The following DISP3 variants were observed in gnomAD, a reference collection of about 807,000 sequenced individuals.
DISP3 encodes the protein dispatched RND transporter family member 3, also known as protein dispatched homolog 3.
Under a neutral mutation model 135.3 loss-of-function variants are expected in DISP3, and 101 were observed. The observed-to-expected ratio is 0.75, with a 90% CI of 0.64 to 0.88. The LOEUF is 0.88. Ranked by LOEUF, DISP3 falls within the 40% of genes least tolerant of loss-of-function variation. The pLI is 0.00. For synonymous variants in DISP3, 856 were observed against 817.0 expected (o/e 1.05, Z -0.81); for missense variants, 1,713 against 1,878.6 (o/e 0.91, Z 1.63).
At chr1:11,504,211 C>T (rs72863297) in intron 3 of DISP3, among the ~76,000 whole-genome samples, 15 of 152,366 alleles carry the variant, frequency 9.8e-5, no homozygotes, top group African/African-American at 3.6e-4. Flanking sequence ...TTAATTCTCA[C>T]ACCAACCCAA....
chr1:11,533,205 G>A lies in DISP3; in HGVS notation c.3376-1176G>A, dbSNP rs983630700. On this transcript the variant is annotated intron_variant, in intron 17 of 20. Coordinates refer to ENST00000294484, the MANE Select transcript of DISP3 (RefSeq NM_020780.2). ...CTCCATGAATTTGACAACTCTGGGG[G>A]CCTCATGTGAATGGAATCATATGGT... Among the ~76,000 whole-genome samples the A allele has an allele frequency of 8.0e-5, 12 of 150,462 alleles. 1 individual carries two copies. Among genetic ancestry groups the A allele is most frequent in the African/African-American group, 2.4e-4 (10 of 40,836 alleles).
rs981759430 is a variant in DISP3 at position 11,536,970 on chromosome 1, G to A, written c.*284G>A. ...CCCTCCTCCCATGCCCGGTCACCAT[G>A]GGGGTCAGGTTATTTTTGTAGGGGG... is the stretch of plus-strand genomic sequence containing the variant. On this transcript the variant is annotated 3_prime_UTR_variant, in exon 21 of 21. Coordinates refer to ENST00000294484, the MANE Select transcript of DISP3 (RefSeq NM_020780.2). The surrounding 1 kb of genome is among the most constrained non-coding windows in gnomAD (Gnocchi z 4.3). 6.4e-6 allele frequency: 3 copies of A among 471,598 alleles called. No individual in the cohort carries two copies. Among genetic ancestry groups the A allele is most frequent in the South Asian group, 3.3e-5 (1 of 29,858 alleles). The allele number at this position is 471,598 out of a possible 1,614,324, so 29.2% of individuals were successfully genotyped here.
rs545516443 is a variant in DISP3 at position 11,483,081 on chromosome 1, A to G, written c.-4+3709A>G. Among the ~76,000 whole-genome samples, 11 of 152,336 alleles carry G rather than the reference A, an allele frequency of 7.2e-5. No homozygotes were observed. Among genetic ancestry groups the G allele is most frequent in the Non-Finnish European group, 1.3e-4 (9 of 68,032 alleles). ...TGCCCAACAAAGGCCGGAGGCATGG[A>G]TGCTGCGGGACCAGTCCAGGGATGG... On this transcript the variant is annotated intron_variant, in intron 1 of 20. Transcript: ENST00000294484. This position sits in a 1 kb window ranked among gnomAD's most constrained non-coding sequence, Gnocchi z 5.4.
intron 1 of DISP3, among the ~76,000 whole-genome samples, chr1:11,495,390 C>CA (rs1557595190): frequency 6.6e-6 from 1 of 152,084 alleles, no homozygotes; most frequent in Admixed American, 6.5e-5. Flanking sequence ...GACTCTGTCT[C>CA]AAAAAACAAA....
chr1:11,536,334 C>T lies in DISP3; in HGVS notation c.3827C>T (p.Thr1276Met), dbSNP rs769502435. 4.4e-6 allele frequency: 7 copies of T among 1,600,192 alleles called. No homozygotes were observed. Among genetic ancestry groups the T allele is most frequent in the East Asian group, 4.5e-5 (2 of 44,854 alleles). ...LPPHQAEDAR[T>M]QRQWRTLEAV... ...TCCTCTTGCCCCCAGGACGCCCGAA[C>T]GCAGCGCCAGTGGCGTACGCTGGAG... Residue 1276 changes from threonine to methionine, a missense_variant, in exon 21 of 21, where the codon ACG becomes ATG. Thr to Met is a moderately conservative substitution (Grantham distance 81). Transcript: ENST00000294484. This position sits in a 1 kb window ranked among gnomAD's most constrained non-coding sequence, Gnocchi z 4.3.
At position 11,514,372 on chromosome 1, in the gene DISP3, C is replaced by T. The variant is rs762857083; in HGVS notation, c.1317-18C>T. The T allele has an allele frequency of 4.4e-6, 7 of 1,599,872 alleles. No individual in the cohort carries two copies. The highest frequency in any genetic ancestry group is 2.2e-5 in the South Asian group (2 of 90,770). ...CCTCTTCCTGTCATTCTTTTCTCCA[C>T]GTCCTCCCTTCCCCCAGCAAAGTCC... On this transcript the variant is annotated intron_variant, in intron 3 of 20. Coordinates refer to ENST00000294484, the MANE Select transcript of DISP3 (RefSeq NM_020780.2).
chr1:11,522,953 A>AGGGCCCAGCCAGGACCCGG, intron 10 of DISP3, among the ~76,000 whole-genome samples: 1 of 83,192 alleles, frequency 1.2e-5, no homozygotes, highest in South Asian at 4.6e-4. Context: ...CCAGAGCCCA[A>AGGGCCCAGCCAGGACCCGG]CCAGGACCCA....
intron 3 of DISP3, among the ~76,000 whole-genome samples, chr1:11,513,864 A>G (rs1415072488): frequency 6.6e-6 from 1 of 151,084 alleles, no homozygotes; most frequent in African/African-American, 2.4e-5. Context: ...ATAAATATGG[A>G]CTCCATCTTG....
chr1:11,492,348 TCAGG>T (rs1429382619), intron 1 of DISP3, among the ~76,000 whole-genome samples: 2 of 152,158 alleles, frequency 1.3e-5, no homozygotes, highest in Admixed American at 6.5e-5. Context: ...GGACGTTTCC[TCAGG>T]TGATATATTG....
chr1:11,519,397 C>T lies in DISP3; in HGVS notation c.1932C>T (p.Pro644=), dbSNP rs377174130. The T allele has an allele frequency of 2.9e-5, 47 of 1,613,856 alleles. No homozygotes were observed. The highest frequency in any genetic ancestry group is 1.9e-4 in the African/African-American group (14 of 75,028). ...NCSRKTSLHF[P]GDVFAAPEQV... is the part of the protein sequence containing the mutation. ...GCCGGAAGACCTCCCTGCACTTCCC[C>T]GGAGACGTGTTTGCCGCTCCCGAGC... The change falls in exon 8 of 21, where the codon CCC becomes CCT. Residue 644 remains proline, a synonymous_variant. Transcript: ENST00000294484. The surrounding 1 kb of genome is among the most constrained non-coding windows in gnomAD (Gnocchi z 4.3).
rs1204723430 is a variant in DISP3, at chr1:11,535,631, C to A, written c.3803C>A (p.Pro1268His). 5 of 1,612,116 alleles carry A rather than the reference C, an allele frequency of 3.1e-6. No individual in the cohort carries two copies. The highest frequency in any genetic ancestry group is 2.2e-5 in the East Asian group (1 of 44,898). ...GYLLAGENLP[P>H]HQAEDARTQR... ...CTGCTGGCTGGAGAGAACCTGCCCC[C>A]CCACCAGGCCGAGGTGCGCACCCTG... is the stretch of plus-strand genomic sequence containing the variant. The change falls in exon 20 of 21, where the codon CCC (proline) becomes CAC (histidine). Residue 1268 changes from proline (P) to histidine (H), a missense_variant. Pro to His is a moderately conservative substitution (Grantham distance 77, BLOSUM62 -2). Coordinates refer to ENST00000294484, the MANE Select transcript of DISP3 (RefSeq NM_020780.2).
chr1:11,486,935 T>G (rs1313489212), intron 1 of DISP3, among the ~76,000 whole-genome samples: 1 of 152,202 alleles, frequency 6.6e-6, no homozygotes, highest in Non-Finnish European at 1.5e-5. Context: ...TGCCTTGGCC[T>G]CCCACTGTGC....
Position 11,529,879 on chromosome 1 carries a change from G to C in DISP3, c.3022G>C (p.Gly1008Arg). 1 of 1,613,936 alleles carries C rather than the reference G, an allele frequency of 6.2e-7. No individual in the cohort carries two copies. Among genetic ancestry groups the C allele is most frequent in the Admixed American group, 1.7e-5 (1 of 60,024 alleles). ...GGCGGTGCGGCCACTAGTGGATACC[G>C]GGGCCATGGTCTTTGTGGTCTTCGG... is the stretch of plus-strand genomic sequence containing the variant. ...KPAVRPLVDT[G>R]AMVFVVFGII... Residue 1008 changes from glycine (G) to arginine (R), a missense_variant, in exon 15 of 21, where the codon GGG becomes CGG. Gly to Arg is a moderately radical substitution (Grantham distance 125). Around this residue, in one of 2 missense-constraint regions of DISP3, gnomAD observed 1,142 missense variants for 1,384.6 expected, o/e 0.82. Transcript: ENST00000294484. This position sits in a 1 kb window ranked among gnomAD's most constrained non-coding sequence, Gnocchi z 4.7.
At chr1:11,522,684 G>A (rs867772844) in intron 10 of DISP3, among the ~76,000 whole-genome samples, 322 of 46,984 alleles carry the variant, frequency 6.9e-3, no homozygotes, top group African/African-American at 0.018. Flanking sequence ...CCCAGCCAGA[G>A]CCCAGCCAGG....
In DISP3 at chr1:11,537,098, G is replaced by A. The variant is rs1471805358; in HGVS notation, c.*412G>A. ...AAAACTGAGGCGCCAGGACACAGTG[G>A]CTGCCCTGTCGCTGGATCAGTAGCA... On this transcript the variant is annotated 3_prime_UTR_variant, in exon 21 of 21. Coordinates refer to ENST00000294484, the MANE Select transcript of DISP3 (RefSeq NM_020780.2). 1 of 173,732 alleles carries A rather than the reference G, an allele frequency of 5.8e-6. No individual in the cohort carries two copies. The highest frequency in any genetic ancestry group is 1.2e-5 in the Non-Finnish European group (1 of 82,106). 10.8% of individuals were successfully genotyped at this position (173,732 alleles called of 1,614,324 possible). A position where few individuals can be genotyped will look rare whatever the true frequency, so the allele number is the denominator to read the frequency against.
intron 3 of DISP3, among the ~76,000 whole-genome samples, chr1:11,513,515 T>G (rs1641916170): frequency 6.6e-6 from 1 of 151,528 alleles, no homozygotes; most frequent in African/African-American, 2.4e-5. Flanking sequence ...CAGCCTTGTC[T>G]TTGTTCCTAT....
chr1:11,512,655 A>G (rs1475991535), intron 3 of DISP3, among the ~76,000 whole-genome samples: 2 of 152,100 alleles, frequency 1.3e-5, no homozygotes, highest in East Asian at 1.9e-4. Flanking sequence ...GAGCCCTTCA[A>G]ACTGTTCCAA....
chr1:11,502,125 A>G, intron 2 of DISP3, 37 bp downstream of exon 2: 3 of 1,525,676 alleles, frequency 2.0e-6, no homozygotes, highest in Non-Finnish European at 2.6e-6. Flanking sequence ...GCGTAGGTCC[A>G]GGTTTCATAC....
At chr1:11,488,068 G>A (rs1641087333) in intron 1 of DISP3, among the ~76,000 whole-genome samples, 1 of 152,194 alleles carries the variant, frequency 6.6e-6, no homozygotes, top group Non-Finnish European at 1.5e-5. Flanking sequence ...GGGTGTGAGG[G>A]AAGCAGTCTG....
Sources: gnomAD v4.1 joint callset for allele counts (sites outside exome capture counted in the v4.1 genomes callset) on GRCh38, gnomAD v4.1.1 for gene constraint, gnomAD v4.1.1 regional missense constraint, Gnocchi (gnomAD v3.1) non-coding constraint, MANE v1.5 for transcripts, NCBI Gene and HGNC (gene_info 2026-07-23, HGNC 2026-07-21) for gene names.